The following BCR variants were observed in gnomAD, a reference collection of about 807,000 sequenced individuals.
BCR encodes BCR activator of RhoGEF and GTPase.
In BCR, 58 loss-of-function variants were observed where a neutral mutation model predicts 138.6. The ratio of observed to expected loss-of-function variants is 0.42; its 90% CI spans 0.34 to 0.52. The LOEUF (loss-of-function observed/expected upper bound fraction) is 0.52. Ranked by LOEUF, BCR falls within the 20% of genes least tolerant of loss-of-function variation. The pLI is 0.06. For missense variants in BCR, 1,599 were observed against 1,727.2 expected (o/e 0.93, Z 1.32); for synonymous variants, 786 against 730.1 (o/e 1.08, Z -1.23).
chr22:23,238,970 T>C (rs1214239182), intron 1 of BCR, among the ~76,000 whole-genome samples: 1 of 152,124 alleles, frequency 6.6e-6, no homozygotes, highest in Non-Finnish European at 1.5e-5. Context: ...TTCCTTCTTT[T>C]TCTCAACAGA....
chr22:23,253,953 C>T lies in BCR; in HGVS notation c.1434C>T (p.Val478=). 3.7e-6 allele frequency: 6 copies of T among 1,612,832 alleles called. No individual in the cohort carries two copies. Among genetic ancestry groups the T allele is most frequent in the Non-Finnish European group, 3.4e-6 (4 of 1,179,856 alleles). The part of the protein sequence containing the change: ...SKGRGSRDAL[V]SGALESTKAS... ...GCAGGGGCAGCCGGGATGCGCTGGT[C>T]TCGGGAGCCCTGGAGTCCACTAAAG... is the stretch of plus-strand genomic sequence containing the variant. Residue 478 remains valine (V), a synonymous_variant, in exon 2 of 23, where the codon GTC becomes GTT. Transcript: ENST00000305877.
intron 8 of BCR, among the ~76,000 whole-genome samples, chr22:23,281,022 G>C (rs975762043): frequency 2.0e-5 from 3 of 152,214 alleles, no homozygotes; most frequent in Non-Finnish European, 4.4e-5. Flanking sequence ...CACCTACCCA[G>C]GCCACAGGCC....
rs559810867 is a variant in BCR, at chr22:23,206,576, C to CA, written c.1279+24353dup. On this transcript the variant is annotated intron_variant, in intron 1 of 22. Transcript: ENST00000305877. ...TGGGCAACATAGCGAGACTCCGTCT[C>CA]AAAAAAAAAAAAAAAAGTTAAGAAA... 5.8e-3 allele frequency among the ~76,000 whole-genome samples: 521 copies of CA among 89,468 alleles called. 4 individuals carry two copies. Among genetic ancestry groups the CA allele is most frequent in the Middle Eastern group, 0.014 (2 of 142 alleles). The allele number at this position is 89,468 out of a possible 152,430, so 58.7% of individuals were successfully genotyped here.
chr22:23,233,858 C>T (rs907681156), intron 1 of BCR, among the ~76,000 whole-genome samples: 11 of 150,304 alleles, frequency 7.3e-5, no homozygotes, highest in African/African-American at 2.2e-4. Context: ...CCCAGGGAGG[C>T]GTGCCAGCCA....
chr22:23,271,065 G>T (rs977210936), intron 5 of BCR, among the ~76,000 whole-genome samples: 1 of 152,238 alleles, frequency 6.6e-6, no homozygotes, highest in Non-Finnish European at 1.5e-5. Context: ...AGTGACGTGT[G>T]TTTAGGAGCA....
rs561155719 is a variant in BCR, at chr22:23,248,368, T to G, written c.1280-5431T>G. 3.3e-5 allele frequency among the ~76,000 whole-genome samples: 5 copies of G among 151,376 alleles called. No individual in the cohort carries two copies. The South Asian group carries it at 1.0e-3, about 32-fold the overall frequency. On this transcript the variant is annotated intron_variant, in intron 1 of 22. Transcript: ENST00000305877. ...CATCTCAAAAAAAAAAAAAAATCAG[T>G]TATTTTGGGTACATAACTAGGAGTA...
At chr22:23,234,112 T>G (rs532500713) in intron 1 of BCR, among the ~76,000 whole-genome samples, 82 of 152,268 alleles carry the variant, frequency 5.4e-4, no homozygotes, top group Middle Eastern at 3.4e-3. Context: ...AGAGACCATG[T>G]GCAGCTGGAC....
At chr22:23,302,132 G>A (rs1793362301) in intron 16 of BCR, among the ~76,000 whole-genome samples, 1 of 152,080 alleles carries the variant, frequency 6.6e-6, no homozygotes, top group African/African-American at 2.4e-5. Context: ...AGGGAGGTGG[G>A]GACCTGGCAA....
chr22:23,213,775 G>A (rs1602021540), intron 1 of BCR, among the ~76,000 whole-genome samples: 2 of 151,692 alleles, frequency 1.3e-5, no homozygotes, highest in South Asian at 4.2e-4. Context: ...CAAGGCTATA[G>A]TGAGCTATGA....
chr22:23,220,628 A>G (rs2072813778), intron 1 of BCR, among the ~76,000 whole-genome samples: 1 of 151,988 alleles, frequency 6.6e-6, no homozygotes, highest in South Asian at 2.1e-4. Context: ...ACTTCCTCTT[A>G]CTGTATACTT....
In BCR at chr22:23,314,619, C is replaced by T. The variant is rs754135673; in HGVS notation, c.3631C>T (p.Leu1211=). 6.2e-7 allele frequency: 1 copy of T among 1,612,020 alleles called. No homozygotes were observed. The highest frequency in any genetic ancestry group is 1.7e-5 in the Admixed American group (1 of 60,020). Residue 1211 remains leucine (L), a synonymous_variant, in exon 22 of 23, where the codon CTG becomes TTG. Coordinates refer to ENST00000305877, the MANE Select transcript of BCR (RefSeq NM_004327.4). ...HNLATVFGPT[L]LRPSEKESKL... is the part of the protein sequence containing the mutation. Reference sequence around the variant, plus strand: ...CCTCGCCACGGTCTTTGGCCCCACGCTGCTCCGGCCCTCCGAGAAGGAGAG... The same window carrying T: ...CCTCGCCACGGTCTTTGGCCCCACGTTGCTCCGGCCCTCCGAGAAGGAGAG...
intron 2 of BCR, among the ~76,000 whole-genome samples, chr22:23,258,825 C>G (rs931004159): frequency 2.0e-5 from 3 of 152,240 alleles, no homozygotes; most frequent in Non-Finnish European, 2.9e-5. Flanking sequence ...GTGATTTTCC[C>G]CGAAAGTGGG....
At chr22:23,217,786 T>G (rs1347302952) in intron 1 of BCR, among the ~76,000 whole-genome samples, 2 of 152,222 alleles carry the variant, frequency 1.3e-5, no homozygotes, top group African/African-American at 4.8e-5. Context: ...GAAACCGCAC[T>G]TTGCCTACGT....
At chr22:23,303,222 C>A (rs1190290277) in intron 16 of BCR, among the ~76,000 whole-genome samples, 1 of 152,120 alleles carries the variant, frequency 6.6e-6, no homozygotes, top group Non-Finnish European at 1.5e-5. Flanking sequence ...ACTGGAGATA[C>A]CACAGAGAAT....
At chr22:23,189,052 G>T (rs1035491320) in intron 1 of BCR, among the ~76,000 whole-genome samples, 5 of 151,986 alleles carry the variant, frequency 3.3e-5, no homozygotes, top group Non-Finnish European at 7.4e-5. Context: ...TAGAGACAGG[G>T]TTTCACCATG....
At position 23,263,144 on chromosome 22, in the gene BCR, G is replaced by GGCA. The variant is rs2073389376; in HGVS notation, c.1752+1607_1752+1609dup. On this transcript the variant is annotated intron_variant, in intron 4 of 22. Transcript: ENST00000305877. ...CGGGGACAGGGGCGGCCATGGCGGC[G>GGCA]GCAGCCAGGGAGGAGGAGGAGGAGG... is the stretch of plus-strand genomic sequence containing the variant. The GGCA allele has an allele frequency of 7.0e-5, 51 of 731,338 alleles. No homozygotes were observed. The South Asian group carries it at 9.1e-4, about 13-fold the overall frequency. The allele number at this position is 731,338 out of a possible 1,614,324, so 45.3% of individuals were successfully genotyped here. A position where few individuals can be genotyped will look rare whatever the true frequency, so the allele number is the denominator to read the frequency against.
chr22:23,275,930 C>G (rs1231009241), intron 8 of BCR, among the ~76,000 whole-genome samples: 1 of 152,148 alleles, frequency 6.6e-6, no homozygotes, highest in Non-Finnish European at 1.5e-5. Context: ...CAAGGAAGGG[C>G]CTTCTCAGTG....
chr22:23,208,104 G>T (rs1029565398), intron 1 of BCR, among the ~76,000 whole-genome samples: 7 of 152,226 alleles, frequency 4.6e-5, no homozygotes, highest in African/African-American at 1.7e-4. Flanking sequence ...AAACAGACAC[G>T]CTGGAGCTTC....
At chr22:23,189,520 C>T (rs564306470) in intron 1 of BCR, among the ~76,000 whole-genome samples, 4 of 151,886 alleles carry the variant, frequency 2.6e-5, no homozygotes, top group Non-Finnish European at 5.9e-5. Flanking sequence ...TTTCTTGAGA[C>T]GGAGTTTCGC....
Sources: gnomAD v4.1 joint callset for allele counts (sites outside exome capture counted in the v4.1 genomes callset) on GRCh38, gnomAD v4.1.1 for gene constraint, MANE v1.5 for transcripts, NCBI Gene and HGNC (gene_info 2026-07-23, HGNC 2026-07-21) for gene names.